The following SNX22 variants were observed in gnomAD, a reference collection of about 807,000 sequenced individuals.
SNX22 encodes the protein sorting nexin-22.
In SNX22, 23 loss-of-function variants were observed where a neutral mutation model predicts 24.7. The ratio of observed to expected loss-of-function variants is 0.93; its 90% CI spans 0.67 to 1.32. The LOEUF (loss-of-function observed/expected upper bound fraction) is 1.32. Ranked by LOEUF, SNX22 falls within the 40% of genes most tolerant of loss-of-function variation. The probability of loss-of-function intolerance (pLI) is 0.00; values close to 1 mark genes in which losing one functional copy is unlikely to be tolerated. For missense variants in SNX22, 261 were observed against 249.9 expected (o/e 1.04, Z -0.30); for synonymous variants, 99 against 104.0 (o/e 0.95, Z 0.29).
chr15:64,152,023 C>G, intron 1 of SNX22, 173 bp downstream of exon 1: 1 of 793,724 alleles, frequency 1.3e-6, no homozygotes, highest in East Asian at 3.2e-5. Context: ...CCTCGCGGAC[C>G]ATGGTTCGAG....
Position 64,156,195 on chromosome 15 carries a change from C to T in SNX22, c.*1687C>T. The T allele has an allele frequency of 6.2e-7, 1 of 1,610,942 alleles. No individual in the cohort carries two copies. The highest frequency in any genetic ancestry group is 8.5e-7 in the Non-Finnish European group (1 of 1,178,402). On this transcript the variant is annotated 3_prime_UTR_variant, in exon 7 of 7. Transcript: ENST00000325881. This position sits in a 1 kb window ranked among gnomAD's most constrained non-coding sequence, Gnocchi z 6.4. ...AGGGCATGGTGGATCAGGAGGTCCACCGCTCAGGAGAAAGGCCCCAGCGTA... is the reference window on the plus strand; with the variant it reads ...AGGGCATGGTGGATCAGGAGGTCCATCGCTCAGGAGAAAGGCCCCAGCGTA...
chr15:64,153,277 G>C lies in SNX22; in HGVS notation c.297G>C (p.Lys99Asn), dbSNP rs2081500534. The part of the protein sequence containing the change: ...GILYLNQEVP[K>N]ELLEFLRLRH... Reference sequence around the variant, plus strand: ...TGTACCTGAACCAGGAGGTGCCCAAGGAGTTACTGGAATTCCTGAGACTTC... The same window carrying C: ...TGTACCTGAACCAGGAGGTGCCCAACGAGTTACTGGAATTCCTGAGACTTC... Residue 99 changes from lysine (K) to asparagine (N), a missense_variant, in exon 4 of 7, where the codon AAG becomes AAC. Physicochemically the swap from Lys to Asn is moderately conservative, Grantham distance 94. Transcript: ENST00000325881. The C allele has an allele frequency of 2.5e-6, 4 of 1,614,180 alleles. No individual in the cohort carries two copies. The East Asian group carries it at 8.9e-5, about 36-fold the overall frequency.
At chr15:64,152,430 T>G in intron 2 of SNX22, 104 bp downstream of exon 2, 2 of 1,303,316 alleles carry the variant, frequency 1.5e-6, no homozygotes, top group South Asian at 1.4e-5. Context: ...GCCACCCCCA[T>G]TACTGCCTCA....
chr15:64,154,022 T>A lies in SNX22; in HGVS notation c.460+20T>A, dbSNP rs778766451. On this transcript the variant is annotated intron_variant, in intron 6 of 6. Transcript: ENST00000325881. ...CCCCAGGTGAGGAGGTGCCTAGATA[T>A]GGGGCTACAGGGCTGGGTTGTGGGC... 1.9e-6 allele frequency: 3 copies of A among 1,613,988 alleles called. No homozygotes were observed. Among genetic ancestry groups the A allele is most frequent in the African/African-American group, 1.3e-5 (1 of 74,916 alleles).
In SNX22 at chr15:64,154,953, TC is replaced by T. The variant is rs2081516377; in HGVS notation, c.*446del. The T allele has an allele frequency of 7.1e-6, 1 of 140,748 alleles. No homozygotes were observed. The highest frequency in any genetic ancestry group is 2.7e-5 in the African/African-American group (1 of 37,258). The allele number at this position is 140,748 out of a possible 1,614,324, so 8.7% of individuals were successfully genotyped here. On this transcript the variant is annotated 3_prime_UTR_variant, in exon 7 of 7. Transcript: ENST00000325881. ...TACTCGGGAAGCTGAGGTAGGAGAATCTCTTTTTTTTTTTTTTTTTTTTTTT... is the reference window on the plus strand; with the variant it reads ...TACTCGGGAAGCTGAGGTAGGAGAATTCTTTTTTTTTTTTTTTTTTTTTTT...
chr15:64,153,296 A>T lies in SNX22; in HGVS notation c.316A>T (p.Arg106Ter). 1 of 1,614,024 alleles carries T rather than the reference A, an allele frequency of 6.2e-7. No homozygotes were observed. The highest frequency in any genetic ancestry group is 8.5e-7 in the Non-Finnish European group (1 of 1,179,980). ...GCCCAAGGAGTTACTGGAATTCCTG[A>T]GACTTCGGCACTTCCCCACAGACCC... The part of the protein sequence containing the change: ...EVPKELLEFL[R>*]LRHFPTDPKA... Residue 106 changes from arginine (R) to a stop codon, truncating the protein, a stop_gained, in exon 4 of 7, where the codon AGA becomes TGA. Transcript: ENST00000325881. LOFTEE classifies it high-confidence loss of function.
chr15:64,153,304 G>C lies in SNX22; in HGVS notation c.324G>C (p.Arg108=), dbSNP rs774160786. ...PKELLEFLRL[R]HFPTDPKASN... The stretch of plus-strand genomic sequence containing the variant: ...AGTTACTGGAATTCCTGAGACTTCG[G>C]CACTTCCCCACAGACCCCAAGGCTA... Residue 108 remains arginine (R), a synonymous_variant, in exon 4 of 7, where the codon CGG becomes CGC. Coordinates refer to ENST00000325881, the MANE Select transcript of SNX22 (RefSeq NM_024798.3). 1.9e-5 allele frequency: 30 copies of C among 1,613,958 alleles called. No individual in the cohort carries two copies. Among genetic ancestry groups the C allele is most frequent in the Non-Finnish European group, 2.4e-5 (28 of 1,179,990 alleles).
chr15:64,155,933 T>C lies in SNX22; in HGVS notation c.*1425T>C, dbSNP rs935628561. 3.9e-5 allele frequency: 63 copies of C among 1,598,372 alleles called. No individual in the cohort carries two copies. The Middle Eastern group carries it at 5.4e-4, about 14-fold the overall frequency. On this transcript the variant is annotated 3_prime_UTR_variant, in exon 7 of 7. Coordinates refer to ENST00000325881, the MANE Select transcript of SNX22 (RefSeq NM_024798.3). ...AGGGGAGTGGGTCCGCTCCACCAGATGCCAGCACCGGGGCCAGTGCAGCTC... is the reference window on the plus strand; with the variant it reads ...AGGGGAGTGGGTCCGCTCCACCAGACGCCAGCACCGGGGCCAGTGCAGCTC...
chr15:64,153,113 G>A lies in SNX22; in HGVS notation c.265-132G>A. ...CGCCCAGCGCCCAGAAGGGCCCTGAGCCTGGTTCAACGCTCTGCTGTCATT... is the reference window on the plus strand; with the variant it reads ...CGCCCAGCGCCCAGAAGGGCCCTGAACCTGGTTCAACGCTCTGCTGTCATT... On this transcript the variant is annotated intron_variant, in intron 3 of 6. Transcript: ENST00000325881. 3 of 1,142,360 alleles carry A rather than the reference G, an allele frequency of 2.6e-6. 1 individual carries two copies. The East Asian group carries it at 7.6e-5, about 29-fold the overall frequency. The allele number at this position is 1,142,360 out of a possible 1,614,324, so 70.8% of individuals were successfully genotyped here. A position where few individuals can be genotyped will look rare whatever the true frequency, so the allele number is the denominator to read the frequency against.
Position 64,154,453 on chromosome 15 carries a change from A to G in SNX22, c.527A>G (p.Asp176Gly), listed in dbSNP as rs1447298583. The G allele has an allele frequency of 6.2e-7, 1 of 1,614,078 alleles. No individual in the cohort carries two copies. Among genetic ancestry groups the G allele is most frequent in the Non-Finnish European group, 8.5e-7 (1 of 1,180,046 alleles). Reference protein sequence around the residue: ...QGLYSFSISPDKAQPKAACHP... With the variant: ...QGLYSFSISPGKAQPKAACHP... ...CTCTACAGCTTCAGCATCAGCCCAG[A>G]TAAAGCCCAGCCAAAGGCGGCCTGT... The change falls in exon 7 of 7, where the codon GAT becomes GGT. Residue 176 changes from aspartate (D) to glycine (G), a missense_variant. Coordinates refer to ENST00000325881, the MANE Select transcript of SNX22 (RefSeq NM_024798.3).
rs1010212724 is a variant in SNX22, at chr15:64,152,155, G to T, written c.76-88G>T. On this transcript the variant is annotated intron_variant, in intron 1 of 6. Transcript: ENST00000325881. ...AGGCCGCTTTGTGCCTTTGAGAGCGGGAGGGTGGGCACGTCGCCAGGCGCA... is the reference window on the plus strand; with the variant it reads ...AGGCCGCTTTGTGCCTTTGAGAGCGTGAGGGTGGGCACGTCGCCAGGCGCA... 15 of 1,230,630 alleles carry T rather than the reference G, an allele frequency of 1.2e-5. No homozygotes were observed. The African/African-American group carries it at 2.4e-4, about 20-fold the overall frequency. The allele number at this position is 1,230,630 out of a possible 1,614,324, so 76.2% of individuals were successfully genotyped here.
chr15:64,152,212 G>A, intron 1 of SNX22, 31 bp from the exon 2 acceptor site: 3 of 1,384,584 alleles, frequency 2.2e-6, no homozygotes, highest in Non-Finnish European at 1.9e-6. Flanking sequence ...GGGGCCTCAC[G>A]CGCAGACCCG....
rs111942276 is a variant in SNX22, at chr15:64,154,390, C to T, written c.464C>T (p.Ser155Leu). The T allele has an allele frequency of 2.5e-4, 408 of 1,614,126 alleles. 2 individuals carry two copies. The highest frequency in any genetic ancestry group is 1.5e-3 in the East Asian group (68 of 44,874). ...DPYVCNPSPE[S>L]LPNVVVNGVL... ...CCTGTTTAATTCTATCCCACAGAGT[C>T]GCTGCCCAACGTGGTGGTGAATGGT... The change falls in exon 7 of 7, where the codon TCG becomes TTG. Residue 155 changes from serine to leucine, a missense_variant. Transcript: ENST00000325881.
chr15:64,152,815 G>A (rs1051984519), intron 3 of SNX22, 73 bp downstream of exon 3: 2 of 1,370,476 alleles, frequency 1.5e-6, no homozygotes, highest in Non-Finnish European at 1.0e-6. Flanking sequence ...GAGGTGTGGG[G>A]GCATGGCAGG....
rs1050698948 is a variant in SNX22 at position 64,156,543 on chromosome 15, G to A, written c.*2035G>A. 5.0e-6 allele frequency: 4 copies of A among 799,744 alleles called. No homozygotes were observed. Among genetic ancestry groups the A allele is most frequent in the Non-Finnish European group, 8.4e-6 (4 of 476,888 alleles). The allele number at this position is 799,744 out of a possible 1,614,324, so 49.5% of individuals were successfully genotyped here. A position where few individuals can be genotyped will look rare whatever the true frequency, so the allele number is the denominator to read the frequency against. On this transcript the variant is annotated 3_prime_UTR_variant, in exon 7 of 7. Coordinates refer to ENST00000325881, the MANE Select transcript of SNX22 (RefSeq NM_024798.3). The surrounding 1 kb of genome is among the most constrained non-coding windows in gnomAD (Gnocchi z 6.4). ...TTCCTGGCTGGGCTCTGAGGGGGCT[G>A]GAAGAATTTAGAACCTTGGAGGCAT...
In SNX22 at chr15:64,151,832, C is replaced by G; in HGVS notation, c.57C>G (p.Ser19Arg). The change falls in exon 1 of 7, where the codon AGC (serine) becomes AGG (arginine). Residue 19 changes from serine (S) to arginine (R), a missense_variant. Ser to Arg is a moderately radical substitution (Grantham distance 110). Transcript: ENST00000325881. ...CCGAGGCCGAGGGGCCCAGGCAGAG[C>G]CCGGAGAAAAGCCACATGGTGAGCG... Reference protein sequence around the residue: ...VGPEAEGPRQSPEKSHMVFRV... With the variant: ...VGPEAEGPRQRPEKSHMVFRV... 1 of 1,537,874 alleles carries G rather than the reference C, an allele frequency of 6.5e-7. No individual in the cohort carries two copies. The highest frequency in any genetic ancestry group is 8.7e-7 in the Non-Finnish European group (1 of 1,144,072).
At position 64,154,366 on chromosome 15, in the gene SNX22, C is replaced by G. The variant is rs769888076; in HGVS notation, c.461-21C>G. 9 of 1,613,874 alleles carry G rather than the reference C, an allele frequency of 5.6e-6. No individual in the cohort carries two copies. In the African/African-American group the frequency reaches 1.2e-4, roughly 22 times the overall value. On this transcript the variant is annotated intron_variant, in intron 6 of 6. Coordinates refer to ENST00000325881, the MANE Select transcript of SNX22 (RefSeq NM_024798.3). ...AGGAGCTGCAGGTCTGAGGCCAGAC[C>G]TGTTTAATTCTATCCCACAGAGTCG...
chr15:64,153,122 A>G, intron 3 of SNX22, 123 bp from the exon 4 acceptor site: 1 of 1,239,614 alleles, frequency 8.1e-7, no homozygotes, highest in South Asian at 1.4e-5. Flanking sequence ...AGCCTGGTTC[A>G]ACGCTCTGCT....
chr15:64,152,356 C>G (rs1219649422), intron 2 of SNX22, 30 bp downstream of exon 2: 1 of 1,493,120 alleles, frequency 6.7e-7, no homozygotes, highest in Non-Finnish European at 8.9e-7. Flanking sequence ...CCACCGGCCC[C>G]GGCCCAGCCT....
Sources: allele counts gnomAD v4.1 joint callset, GRCh38; gene constraint gnomAD v4.1.1; non-coding constraint Gnocchi (gnomAD v3.1); transcripts MANE v1.5; gene names NCBI Gene and HGNC (gene_info 2026-07-23, HGNC 2026-07-21).